Variants in TPCN1 observed in about 807,000 individuals in gnomAD.
TPCN1 encodes two pore segment channel 1, also known as two pore channel protein 1.
Under a neutral mutation model 108.8 loss-of-function variants are expected in TPCN1, and 52 were observed. The ratio of observed to expected loss-of-function variants is 0.48; its 90% CI spans 0.38 to 0.60. TPCN1 has a LOEUF of 0.60. Ranked by LOEUF, TPCN1 falls within the 20% of genes least tolerant of loss-of-function variation. The pLI, the probability that TPCN1 is intolerant of heterozygous loss-of-function variation, is 0.00. For synonymous variants in TPCN1, 446 were observed against 433.7 expected (o/e 1.03, Z -0.35); for missense variants, 806 against 1,072.8 (o/e 0.75, Z 3.47).
rs140244457 is a variant in TPCN1, at chr12:113,284,738, C to T, written c.1420C>T (p.His474Tyr). ...MLKGGNFFSK[H>Y]VPWSYLVFLT... ...TACAGGTGGGAACTTCTTCTCCAAG[C>T]ACGTGCCCTGGAGTTACCTCGTCTT... Residue 474 changes from histidine to tyrosine, a missense_variant, in exon 17 of 28, where the codon CAC becomes TAC. Coordinates refer to ENST00000335509, the MANE Select transcript of TPCN1 (RefSeq NM_017901.6). The surrounding 1 kb of genome is among the most constrained non-coding windows in gnomAD (Gnocchi z 4.1). The T allele has an allele frequency of 3.6e-4, 587 of 1,614,114 alleles. No individual in the cohort carries two copies. Among genetic ancestry groups the T allele is most frequent in the Non-Finnish European group, 4.3e-4 (507 of 1,180,050 alleles).
chr12:113,247,913 T>C (rs529587449), intron 2 of TPCN1, among the ~76,000 whole-genome samples: 1 of 152,304 alleles, frequency 6.6e-6, no homozygotes, highest in African/African-American at 2.4e-5. Context: ...TTTTCTGAGG[T>C]TGAGTGGTTA....
Position 113,288,771 on chromosome 12 carries a change from C to T in TPCN1, c.1720C>T (p.Leu574=), listed in dbSNP as rs761073542. 2.5e-6 allele frequency: 4 copies of T among 1,612,848 alleles called. No homozygotes were observed. The highest frequency in any genetic ancestry group is 3.4e-6 in the Non-Finnish European group (4 of 1,180,036). ...LPRMASLGLT[L]LIFYYSFAIV... is the part of the protein sequence containing the mutation. ...GTCGCCCCACAGCCTGGGCCTCACC[C>T]TGCTCATCTTTTACTACTCCTTCGC... The change falls in exon 21 of 28, where the codon CTG becomes TTG. Residue 574 remains leucine, a synonymous_variant. Coordinates refer to ENST00000335509, the MANE Select transcript of TPCN1 (RefSeq NM_017901.6). The surrounding 1 kb of genome is among the most constrained non-coding windows in gnomAD (Gnocchi z 4.8).
rs1953222394 is a variant in TPCN1 at position 113,221,571 on chromosome 12, G to A, written c.-181G>A. Reference sequence around the variant, plus strand: ...GGGGTTTTGGCGGCGGCGCCGGCGGGCTAGGCTGCGCGGTGCGGACCCCGG... The same window carrying A: ...GGGGTTTTGGCGGCGGCGCCGGCGGACTAGGCTGCGCGGTGCGGACCCCGG... On this transcript the variant is annotated 5_prime_UTR_variant, in exon 1 of 28. Coordinates refer to ENST00000335509, the MANE Select transcript of TPCN1 (RefSeq NM_017901.6). 4.2e-6 allele frequency: 1 copy of A among 240,006 alleles called. No homozygotes were observed. The highest frequency in any genetic ancestry group is 8.3e-6 in the Non-Finnish European group (1 of 120,876). 14.9% of individuals were successfully genotyped at this position (240,006 alleles called of 1,614,324 possible).
rs1955755000 is a variant in TPCN1 at position 113,278,621 on chromosome 12, T to G, written c.1234-151T>G. The stretch of plus-strand genomic sequence containing the variant: ...CACATTGTAAACGCTCGGTACACAC[T>G]GGCTGGCTGTGTTGTCATGTAGATC... On this transcript the variant is annotated intron_variant, in intron 13 of 27. Coordinates refer to ENST00000335509, the MANE Select transcript of TPCN1 (RefSeq NM_017901.6). The G allele has an allele frequency of 5.6e-5, 36 of 641,602 alleles. 1 individual carries two copies. In the South Asian group the frequency reaches 6.6e-4, roughly 12 times the overall value. The allele number at this position is 641,602 out of a possible 1,614,324, so 39.7% of individuals were successfully genotyped here.
intron 25 of TPCN1, 183 bp from the exon 26 acceptor site, chr12:113,292,751 C>T (rs769383533): frequency 1.5e-5 from 10 of 661,646 alleles, no homozygotes; most frequent in Non-Finnish European, 2.5e-5. Context: ...GCGCTCCTGA[C>T]ATCACAGCAG....
chr12:113,248,658 G>A (rs970319291), intron 2 of TPCN1, among the ~76,000 whole-genome samples: 3 of 152,218 alleles, frequency 2.0e-5, no homozygotes, highest in South Asian at 2.1e-4. Flanking sequence ...TGGCGGCAGC[G>A]AGGGGCAGGC....
intron 15 of TPCN1, among the ~76,000 whole-genome samples, chr12:113,282,587 C>CA (rs752501247): frequency 0.02 from 2,641 of 135,134 alleles, 33 homozygotes; most frequent in Middle Eastern, 0.046. Flanking sequence ...CCTGTCTCTA[C>CA]AAAAAAAAAA....
Position 113,260,293 on chromosome 12 carries a change from T to C in TPCN1, c.113-75T>C, listed in dbSNP as rs1954977770. 5.6e-6 allele frequency: 8 copies of C among 1,434,132 alleles called. No individual in the cohort carries two copies. The South Asian group carries it at 1.3e-4, about 23-fold the overall frequency. The allele number at this position is 1,434,132 out of a possible 1,614,324, so 88.8% of individuals were successfully genotyped here. ...TGAGCATATGAAGGGACTGCCAGGC[T>C]TTTCTTCTGCCAAACGGTGTCTTTT... is the stretch of plus-strand genomic sequence containing the variant. On this transcript the variant is annotated intron_variant, in intron 2 of 27. Coordinates refer to ENST00000335509, the MANE Select transcript of TPCN1 (RefSeq NM_017901.6).
chr12:113,257,258 G>A (rs1273516359), intron 2 of TPCN1, among the ~76,000 whole-genome samples: 3 of 152,162 alleles, frequency 2.0e-5, no homozygotes, highest in Admixed American at 6.5e-5. Flanking sequence ...TTGGGAGGCC[G>A]AGGCGGGCAG....
In TPCN1 at chr12:113,289,609, A is replaced by G. The variant is rs1048281787; in HGVS notation, c.1797-519A>G. 6.6e-6 allele frequency among the ~76,000 whole-genome samples: 1 copy of G among 152,180 alleles called. No homozygotes were observed. The highest frequency in any genetic ancestry group is 1.5e-5 in the Non-Finnish European group (1 of 68,028). ...GGTGGCCCAAGCACTAGACTTTTAT[A>G]AACATTAGCATGGATATTAACAGAA... On this transcript the variant is annotated intron_variant, in intron 21 of 27. Transcript: ENST00000335509. This position sits in a 1 kb window ranked among gnomAD's most constrained non-coding sequence, Gnocchi z 4.1.
intron 2 of TPCN1, chr12:113,246,092 G>A (rs1400743399): frequency 2.2e-6 from 1 of 452,554 alleles, no homozygotes; most frequent in Admixed American, 2.4e-5. Context: ...CCTGTCCTCT[G>A]CACCGGGATG....
At position 113,278,434 on chromosome 12, in the gene TPCN1, G is replaced by T. The variant is rs538820436; in HGVS notation, c.1233+197G>T. Among the ~76,000 whole-genome samples the T allele has an allele frequency of 2.0e-4, 31 of 152,270 alleles. 1 individual carries two copies. Among genetic ancestry groups the T allele is most frequent in the African/African-American group, 7.2e-4 (30 of 41,556 alleles). ...CTTACATTTGTGATACAGTGTCATC[G>T]TTAACAGCACCGAATCTTACTTAGA... On this transcript the variant is annotated intron_variant, in intron 13 of 27. Transcript: ENST00000335509.
intron 2 of TPCN1, among the ~76,000 whole-genome samples, chr12:113,227,984 G>A (rs760527096): frequency 6.6e-6 from 1 of 152,208 alleles, no homozygotes; most frequent in African/African-American, 2.4e-5. Context: ...GGGTGGCAGA[G>A]CTGGATTGCC....
At chr12:113,246,774 C>A (rs1566151681) in intron 2 of TPCN1, among the ~76,000 whole-genome samples, 1 of 152,176 alleles carries the variant, frequency 6.6e-6, no homozygotes, top group Non-Finnish European at 1.5e-5. Flanking sequence ...CTGCTCTGGG[C>A]AAGAACAGTG....
chr12:113,290,692 A>C (rs1425001186), intron 22 of TPCN1, among the ~76,000 whole-genome samples: 1 of 152,188 alleles, frequency 6.6e-6, no homozygotes, highest in East Asian at 1.9e-4. Context: ...ATCTGCACCC[A>C]GTAAGATCCA....
At chr12:113,224,183 G>A (rs1285561247) in intron 1 of TPCN1, among the ~76,000 whole-genome samples, 4 of 152,158 alleles carry the variant, frequency 2.6e-5, no homozygotes, top group African/African-American at 7.2e-5. Context: ...GAGTCACACC[G>A]TAGAGCTGAA....
chr12:113,239,024 C>T (rs1954002634), intron 2 of TPCN1, among the ~76,000 whole-genome samples: 1 of 152,022 alleles, frequency 6.6e-6, no homozygotes, highest in Admixed American at 6.5e-5. Context: ...GTCTCAGCTC[C>T]TTGAGAGGCT....
At position 113,288,108 on chromosome 12, in the gene TPCN1, C is replaced by G; in HGVS notation, c.1635-55C>G. On this transcript the variant is annotated intron_variant, in intron 19 of 27. Transcript: ENST00000335509. The surrounding 1 kb of genome is among the most constrained non-coding windows in gnomAD (Gnocchi z 4.8). ...AGGCGGGGCCGGCATGTTCTGAGGGCGGGGGCTGAGGCGTGCACCTGTGTG... is the reference window on the plus strand; with the variant it reads ...AGGCGGGGCCGGCATGTTCTGAGGGGGGGGGCTGAGGCGTGCACCTGTGTG... 6.5e-7 allele frequency: 1 copy of G among 1,530,042 alleles called. No individual in the cohort carries two copies. Among genetic ancestry groups the G allele is most frequent in the Non-Finnish European group, 9.0e-7 (1 of 1,117,256 alleles). The allele number at this position is 1,530,042 out of a possible 1,614,324, so 94.8% of individuals were successfully genotyped here.
chr12:113,222,890 A>T (rs1953306725), intron 1 of TPCN1, among the ~76,000 whole-genome samples: 1 of 152,242 alleles, frequency 6.6e-6, no homozygotes, highest in Non-Finnish European at 1.5e-5. Context: ...TGAGTTAATA[A>T]ATTCTCCTGC....
Sources: gnomAD v4.1 joint callset for allele counts (sites outside exome capture counted in the v4.1 genomes callset) on GRCh38, gnomAD v4.1.1 for gene constraint, Gnocchi (gnomAD v3.1) non-coding constraint, MANE v1.5 for transcripts, NCBI Gene and HGNC (gene_info 2026-07-23, HGNC 2026-07-21) for gene names.